GOLPH3: variants seen among roughly 807,000 people sequenced by gnomAD.
GOLPH3 encodes the protein golgi phosphoprotein 3.
GOLPH3 carries 14 observed loss-of-function variants against 28.5 expected under a neutral mutation model. The ratio of observed to expected loss-of-function variants is 0.49; its 90% confidence interval spans 0.32 to 0.77. The LOEUF is 0.77. GOLPH3 is among the 30% of genes least tolerant of loss of function. GOLPH3 has a pLI of 0.03. For missense variants in GOLPH3, 350 were observed against 393.7 expected, an observed-to-expected ratio of 0.89 and a Z score of 0.94; for synonymous variants, 158 against 159.2, an observed-to-expected ratio of 0.99 and a Z score of 0.06.
At chr5:32,130,042 C>T (rs921820043) in intron 3 of GOLPH3, among the ~76,000 whole-genome samples, 13 of 152,104 alleles carry the variant, frequency 8.5e-5, no homozygotes, top group East Asian at 1.9e-4. Flanking sequence ...GGGGTTTCAC[C>T]GTGTTAGCCA....
chr5:32,164,048 TATC>T (rs1252727074), intron 1 of GOLPH3, among the ~76,000 whole-genome samples: 1 of 152,330 alleles, frequency 6.6e-6, no homozygotes, highest in East Asian at 1.9e-4. Context: ...GCCTATATAT[TATC>T]AATAAAAATA....
At chr5:32,153,563 A>C (rs1746357049) in intron 1 of GOLPH3, among the ~76,000 whole-genome samples, 1 of 152,240 alleles carries the variant, frequency 6.6e-6, no homozygotes, top group African/African-American at 2.4e-5. Flanking sequence ...TTGTAAGCCA[A>C]ACTCAAGTCA....
intron 2 of GOLPH3, among the ~76,000 whole-genome samples, chr5:32,137,784 G>A (rs1490153921): frequency 2.0e-5 from 3 of 152,096 alleles, no homozygotes; most frequent in East Asian, 1.9e-4. Context: ...CTTCATTCAC[G>A]TTGTTGGCTA....
intron 3 of GOLPH3, among the ~76,000 whole-genome samples, chr5:32,129,336 A>C (rs1745772831): frequency 6.6e-6 from 1 of 152,234 alleles, no homozygotes; most frequent in South Asian, 2.1e-4. Context: ...TTAAATATCA[A>C]GTTCTTAGAA....
Position 32,125,079 on chromosome 5 carries a change from C to A in GOLPH3, c.*1133G>T, listed in dbSNP as rs1245474168. On this transcript the variant is annotated 3_prime_UTR_variant, in exon 4 of 4. Coordinates refer to ENST00000265070, the MANE Select transcript of GOLPH3 (RefSeq NM_022130.4). ...ATAAAAAATTAAAACATAGAGCTTT[C>A]TGTTACAAAATTCTTAATCCTCTGG... is the stretch of plus-strand genomic sequence containing the variant. 6.6e-6 allele frequency: 1 copy of A among 152,598 alleles called. No individual in the cohort carries two copies. The highest frequency in any genetic ancestry group is 2.4e-5 in the African/African-American group (1 of 41,448). 9.5% of individuals were successfully genotyped at this position (152,598 alleles called of 1,614,324 possible). A position where few individuals can be genotyped will look rare whatever the true frequency, so the allele number is the denominator to read the frequency against.
chr5:32,168,093 A>T (rs931969794), intron 1 of GOLPH3, among the ~76,000 whole-genome samples: 4 of 152,242 alleles, frequency 2.6e-5, no homozygotes, highest in African/African-American at 9.6e-5. Context: ...AGGAAATATC[A>T]TTTGTCTTAG....
rs1452502581 is a variant in GOLPH3, at chr5:32,174,223, C to T, written c.-189G>A. The T allele has an allele frequency of 1.1e-5, 4 of 379,732 alleles. No homozygotes were observed. Among genetic ancestry groups the T allele is most frequent in the Non-Finnish European group, 9.2e-6 (2 of 216,318 alleles). The allele number at this position is 379,732 out of a possible 1,614,324, so 23.5% of individuals were successfully genotyped here. Reference sequence around the variant, plus strand: ...AGGGCGAAGCGGGCTGGCCGGGCGTCGGCGGGGCAGGAGAGGAGCGCCTTC... The same window carrying T: ...AGGGCGAAGCGGGCTGGCCGGGCGTTGGCGGGGCAGGAGAGGAGCGCCTTC... On this transcript the variant is annotated 5_prime_UTR_variant, in exon 1 of 4. Transcript: ENST00000265070.
intron 3 of GOLPH3, among the ~76,000 whole-genome samples, chr5:32,132,757 A>T (rs1428967406): frequency 6.6e-6 from 1 of 152,220 alleles, no homozygotes; most frequent in Non-Finnish European, 1.5e-5. Context: ...AAATGGTAAA[A>T]GTTACATTAT....
intron 1 of GOLPH3, among the ~76,000 whole-genome samples, chr5:32,152,891 G>A (rs947995636): frequency 3.9e-5 from 6 of 151,952 alleles, no homozygotes; most frequent in Non-Finnish European, 8.8e-5. Context: ...ATGTCAAAAT[G>A]ACACCACTTT....
At chr5:32,135,796 C>A in intron 2 of GOLPH3, 110 bp from the exon 3 acceptor site, 2 of 662,128 alleles carry the variant, frequency 3.0e-6, no homozygotes. Context: ...CTTAAAGCCT[C>A]AAGCTTTCAT....
intron 3 of GOLPH3, among the ~76,000 whole-genome samples, chr5:32,133,965 T>C (rs1745880558): frequency 1.3e-5 from 2 of 152,210 alleles, no homozygotes; most frequent in African/African-American, 4.8e-5. Context: ...TTATCAAGAA[T>C]ACGTTTACGT....
At position 32,126,488 on chromosome 5, in the gene GOLPH3, G is replaced by A; in HGVS notation, c.621C>T (p.Asn207=). The A allele has an allele frequency of 1.2e-6, 2 of 1,614,122 alleles. No individual in the cohort carries two copies. The highest frequency in any genetic ancestry group is 1.7e-6 in the Non-Finnish European group (2 of 1,180,026). ...TCTTGATGAGGCGCTGCTTAATGTTGTTATTGGTGAGGGGATGTGTTGTCA... is the reference window on the plus strand; with the variant it reads ...TCTTGATGAGGCGCTGCTTAATGTTATTATTGGTGAGGGGATGTGTTGTCA... ...FDMTTHPLTN[N]NIKQRLIKKV... The change falls in exon 4 of 4, where the codon AAC becomes AAT. Residue 207 remains asparagine (N), a synonymous_variant. Coordinates refer to ENST00000265070, the MANE Select transcript of GOLPH3 (RefSeq NM_022130.4).
At chr5:32,171,280 T>TA (rs967098517) in intron 1 of GOLPH3, among the ~76,000 whole-genome samples, 103 of 146,788 alleles carry the variant, frequency 7.0e-4, no homozygotes, top group African/African-American at 1.0e-3. Context: ...TGATGAGCTT[T>TA]AAAAAAAAAA....
In GOLPH3 at chr5:32,125,981, G is replaced by A; in HGVS notation, c.*231C>T. On this transcript the variant is annotated 3_prime_UTR_variant, in exon 4 of 4. Coordinates refer to ENST00000265070, the MANE Select transcript of GOLPH3 (RefSeq NM_022130.4). ...CAGGTAACAGTGAGGATGGCAACAG[G>A]GAATGGAATGCCAATATGGCAGTAA... The A allele has an allele frequency of 2.2e-6, 1 of 463,636 alleles. No individual in the cohort carries two copies. Among genetic ancestry groups the A allele is most frequent in the Non-Finnish European group, 3.8e-6 (1 of 263,554 alleles). The allele number at this position is 463,636 out of a possible 1,614,324, so 28.7% of individuals were successfully genotyped here.
chr5:32,172,832 G>A (rs895059428), intron 1 of GOLPH3, among the ~76,000 whole-genome samples: 1 of 152,222 alleles, frequency 6.6e-6, no homozygotes, highest in East Asian at 1.9e-4. Flanking sequence ...TTGCACTCCA[G>A]CCTGGGCAAC....
intron 1 of GOLPH3, among the ~76,000 whole-genome samples, chr5:32,157,092 C>G (rs1649010124): frequency 6.6e-6 from 1 of 152,182 alleles, no homozygotes; most frequent in Non-Finnish European, 1.5e-5. Context: ...GAAGTAACAG[C>G]CAGGGCCCTC....
chr5:32,170,250 G>A (rs1746802127), intron 1 of GOLPH3, among the ~76,000 whole-genome samples: 1 of 152,144 alleles, frequency 6.6e-6, no homozygotes, highest in African/African-American at 2.4e-5. Context: ...AATCTATGCT[G>A]AATTCTAATA....
chr5:32,166,270 T>TTA (rs1209880823), intron 1 of GOLPH3, among the ~76,000 whole-genome samples: 2 of 152,230 alleles, frequency 1.3e-5, no homozygotes, highest in African/African-American at 4.8e-5. Flanking sequence ...ACACTGTACT[T>TTA]TAATATTAGT....
intron 2 of GOLPH3, among the ~76,000 whole-genome samples, chr5:32,136,507 C>T (rs56975987): frequency 0.061 from 9,177 of 150,942 alleles, 624 homozygotes; most frequent in African/African-American, 0.16. Context: ...AGCTACTGTG[C>T]AATAATTAGT....
Sources: gnomAD v4.1 joint callset for allele counts (sites outside exome capture counted in the v4.1 genomes callset) on GRCh38, gnomAD v4.1.1 for gene constraint, MANE v1.5 for transcripts, NCBI Gene and HGNC (gene_info 2026-07-23, HGNC 2026-07-21) for gene names.